Variants in TMEM260 observed in about 807,000 individuals in gnomAD.
The protein encoded by TMEM260 is protein O-mannosyl-transferase TMEM260.
A neutral mutation model predicts 88.9 loss-of-function variants in TMEM260; 82 were observed. The ratio of observed to expected loss-of-function variants is 0.92; its 90% CI spans 0.77 to 1.11. The LOEUF (loss-of-function observed/expected upper bound fraction) is 1.11, where lower values mean the gene tolerates loss of function less well. Ranked by LOEUF, TMEM260 falls within the 50% of genes least tolerant of loss-of-function variation. The probability of loss-of-function intolerance (pLI) is 0.00; values close to 1 mark genes in which losing one functional copy is unlikely to be tolerated. For missense variants in TMEM260, 902 were observed against 853.4 expected, an observed-to-expected ratio of 1.06 and a Z score of -0.71; for synonymous variants, 314 against 309.3, an observed-to-expected ratio of 1.02 and a Z score of -0.16.
chr14:56,619,160 T>C (rs1887761240), intron 10 of TMEM260, among the ~76,000 whole-genome samples: 1 of 152,182 alleles, frequency 6.6e-6, no homozygotes, highest in Admixed American at 6.5e-5. Context: ...ATGTCCAGTT[T>C]ACTCTGTAGT....
At chr14:56,617,491 T>TTAAC (rs1887661789) in intron 9 of TMEM260, among the ~76,000 whole-genome samples, 194 bp downstream of exon 9, 1 of 21,732 alleles carries the variant, frequency 4.6e-5, no homozygotes, top group Non-Finnish European at 8.6e-5. Context: ...AATGCAGTGT[T>TTAAC]TAACACAGTT....
intron 1 of TMEM260, 109 bp downstream of exon 1, chr14:56,580,183 C>T (rs1311647082): frequency 2.3e-5 from 20 of 859,498 alleles, no homozygotes; most frequent in Admixed American, 1.3e-4. Flanking sequence ...AGCTCTGGGC[C>T]TCCATCCACC....
intron 5 of TMEM260, among the ~76,000 whole-genome samples, chr14:56,607,035 A>G (rs1378041908): frequency 6.6e-6 from 1 of 152,256 alleles, no homozygotes; most frequent in Non-Finnish European, 1.5e-5. Flanking sequence ...CATAACAGGC[A>G]GTGTCTTTAA....
chr14:56,655,288 G>A (rs993843786), downstream of TMEM260, among the ~76,000 whole-genome samples: 1 of 151,770 alleles, frequency 6.6e-6, no homozygotes, highest in African/African-American at 2.4e-5. Flanking sequence ...TACTCCGAAG[G>A]CTGAGGCAGA....
chr14:56,592,353 A>G (rs1268190661), intron 3 of TMEM260, among the ~76,000 whole-genome samples: 1 of 152,192 alleles, frequency 6.6e-6, no homozygotes, highest in African/African-American at 2.4e-5. Context: ...AAACTTGACA[A>G]TGAAAAGATT....
chr14:56,654,814 C>CAAA (rs750160414), downstream of TMEM260, among the ~76,000 whole-genome samples: 535 of 51,818 alleles, frequency 0.01, 9 homozygotes, highest in Non-Finnish European at 0.014. Flanking sequence ...AACTCCATCT[C>CAAA]AAAAAAAAAA....
At chr14:56,615,891 G>T in intron 7 of TMEM260, 53 bp from the exon 8 acceptor site, 1 of 1,216,018 alleles carries the variant, frequency 8.2e-7, no homozygotes, top group Non-Finnish European at 1.2e-6. Flanking sequence ...TATTTTATTT[G>T]GAATCAATCA....
intron 3 of TMEM260, among the ~76,000 whole-genome samples, chr14:56,590,617 A>G (rs778725524): frequency 1.4e-4 from 21 of 152,206 alleles, no homozygotes; most frequent in East Asian, 5.8e-4. Flanking sequence ...AGAAAGCTCT[A>G]TTGTTCACTT....
downstream of TMEM260, chr14:56,650,533 T>C (rs1259979382): frequency 6.5e-6 from 1 of 153,328 alleles, no homozygotes; most frequent in East Asian, 1.9e-4. Flanking sequence ...TTACTCAAAA[T>C]GTAGCCAAAA....
At chr14:56,609,896 C>T (rs1373486527) in intron 6 of TMEM260, among the ~76,000 whole-genome samples, 1 of 152,070 alleles carries the variant, frequency 6.6e-6, no homozygotes, top group East Asian at 1.9e-4. Flanking sequence ...AAAGGATGAG[C>T]AGAAGATTTT....
intron 3 of TMEM260, among the ~76,000 whole-genome samples, chr14:56,601,748 A>T (rs1886589012): frequency 6.6e-6 from 1 of 152,122 alleles, no homozygotes; most frequent in Admixed American, 6.6e-5. Context: ...GAATTAAGTG[A>T]TTTACAAGCT....
rs190689239 is a variant in TMEM260 at position 56,633,224 on chromosome 14, C to G, written c.1724+53C>G. 1.4e-5 allele frequency: 20 copies of G among 1,415,704 alleles called. No homozygotes were observed. In the East Asian group the frequency reaches 4.7e-4, roughly 34 times the overall value. The allele number at this position is 1,415,704 out of a possible 1,614,324, so 87.7% of individuals were successfully genotyped here. On this transcript the variant is annotated intron_variant, in intron 13 of 15. Transcript: ENST00000261556. ...ATATAAACATAGCAGTTTTGAATAC[C>G]CAAAAAAACTACTACATTTTGAGAT...
At chr14:56,606,899 A>T (rs527713185) in intron 5 of TMEM260, among the ~76,000 whole-genome samples, 17 of 152,282 alleles carry the variant, frequency 1.1e-4, no homozygotes, top group East Asian at 3.9e-4. Context: ...CGTCTCCAAA[A>T]AAATAAATAA....
intron 7 of TMEM260, chr14:56,615,587 G>C: frequency 5.9e-6 from 1 of 170,194 alleles, no homozygotes; most frequent in East Asian, 1.6e-4. Flanking sequence ...TGGAGGCCAT[G>C]TCTACACTGC....
intron 3 of TMEM260, among the ~76,000 whole-genome samples, chr14:56,590,956 C>T (rs1016252171): frequency 2.6e-5 from 4 of 152,084 alleles, no homozygotes; most frequent in Non-Finnish European, 4.4e-5. Flanking sequence ...GATAGGCCGC[C>T]GTGGGGTTTA....
chr14:56,588,882 T>G (rs547781689), intron 3 of TMEM260, among the ~76,000 whole-genome samples: 1 of 152,010 alleles, frequency 6.6e-6, no homozygotes, highest in Admixed American at 6.6e-5. Flanking sequence ...TTTTCTTTTT[T>G]AAGGCTATTA....
intron 7 of TMEM260, chr14:56,615,616 A>G: frequency 5.2e-6 from 1 of 190,730 alleles, no homozygotes; most frequent in Admixed American, 5.9e-5. Flanking sequence ...AAAAGTTCAA[A>G]AACTCATTTC....
chr14:56,626,256 G>C (rs944527357), intron 12 of TMEM260, among the ~76,000 whole-genome samples: 1 of 152,144 alleles, frequency 6.6e-6, no homozygotes, highest in African/African-American at 2.4e-5. Flanking sequence ...TGGGTGTTTA[G>C]AGCCTGAAGT....
intron 15 of TMEM260, among the ~76,000 whole-genome samples, chr14:56,646,956 A>T (rs1303844196): frequency 6.6e-6 from 1 of 152,064 alleles, no homozygotes; most frequent in African/African-American, 2.4e-5. Flanking sequence ...TCCCCAGAAC[A>T]TCTTTCTGGA....
Sources: allele counts gnomAD v4.1 joint callset (sites outside exome capture counted in the v4.1 genomes callset), GRCh38; gene constraint gnomAD v4.1.1; transcripts MANE v1.5; gene names NCBI Gene and HGNC (gene_info 2026-07-23, HGNC 2026-07-21).